The following MCTP2 variants were observed in gnomAD, a reference collection of about 807,000 sequenced individuals.
MCTP2 encodes multiple C2 and transmembrane domain containing 2, also known as multiple C2 and transmembrane domain-containing protein 2.
Under a neutral mutation model 111.6 loss-of-function variants are expected in MCTP2, and 132 were observed. That is an observed-to-expected ratio of 1.18 (90% CI 1.03 to 1.37). The LOEUF (loss-of-function observed/expected upper bound fraction) is 1.37. MCTP2 is among the 40% of genes most tolerant of loss of function. The probability of loss-of-function intolerance (pLI) is 0.00; values close to 1 mark genes in which losing one functional copy is unlikely to be tolerated. For synonymous variants in MCTP2, 395 were observed against 387.7 expected (o/e 1.02, Z -0.22); for missense variants, 1,183 against 1,067.9 (o/e 1.11, Z -1.50).
At chr15:94,425,096 A>G (rs1217064323) in intron 17 of MCTP2, among the ~76,000 whole-genome samples, 18 of 152,144 alleles carry the variant, frequency 1.2e-4, no homozygotes, top group Admixed American at 1.2e-3. Context: ...AAAGTCATAA[A>G]AATATTCTTT....
intron 9 of MCTP2, among the ~76,000 whole-genome samples, chr15:94,358,089 A>G (rs1663188877): frequency 6.6e-6 from 1 of 152,264 alleles, no homozygotes; most frequent in African/African-American, 2.4e-5. Context: ...GTAAGCTAGC[A>G]TTGAATGGAT....
At chr15:94,315,420 A>G (rs2076334886) in intron 3 of MCTP2, 109 bp from the exon 4 acceptor site, 12 of 681,990 alleles carry the variant, frequency 1.8e-5, no homozygotes, top group Middle Eastern at 3.5e-4. Flanking sequence ...ATGACAGTCG[A>G]TCATCATAGT....
At chr15:94,270,371 T>A (rs951035908) in intron 1 of MCTP2, among the ~76,000 whole-genome samples, 1 of 152,206 alleles carries the variant, frequency 6.6e-6, no homozygotes, top group Non-Finnish European at 1.5e-5. Flanking sequence ...TGATGATGTA[T>A]GTAAAGCAGT....
At chr15:94,354,337 C>G (rs1203665470) in intron 8 of MCTP2, among the ~76,000 whole-genome samples, 2 of 152,074 alleles carry the variant, frequency 1.3e-5, no homozygotes, top group Non-Finnish European at 2.9e-5. Context: ...ATTGTAATCC[C>G]CATAATCCCC....
rs73462089 is a variant in MCTP2, at chr15:94,315,490, C to T, written c.529-39C>T. On this transcript the variant is annotated intron_variant, in intron 3 of 22. Transcript: ENST00000357742. ...TTTCTGAAATTCTCTTGCTTGGGCC[C>T]AAGACATACTGTCTTAACTGCCTTC... The T allele has an allele frequency of 8.2e-3, 11,787 of 1,442,692 alleles. 760 individuals carry two copies. The African/African-American group carries it at 0.14, about 17-fold the overall frequency. The allele number at this position is 1,442,692 out of a possible 1,614,324, so 89.4% of individuals were successfully genotyped here.
intron 17 of MCTP2, among the ~76,000 whole-genome samples, chr15:94,408,945 T>C (rs1231535742): frequency 2.0e-5 from 3 of 152,226 alleles, no homozygotes; most frequent in Admixed American, 2.0e-4. Context: ...TTTTCTGAGC[T>C]TTCTGTTGGT....
rs191847019 is a variant in MCTP2, at chr15:94,304,244, C to G, written c.465+5514C>G. 7.0e-4 allele frequency among the ~76,000 whole-genome samples: 106 copies of G among 152,286 alleles called. 1 individual carries two copies. Among genetic ancestry groups the G allele is most frequent in the African/African-American group, 2.5e-3 (103 of 41,558 alleles). On this transcript the variant is annotated intron_variant, in intron 2 of 22. Coordinates refer to ENST00000357742, the MANE Select transcript of MCTP2 (RefSeq NM_001385001.1). ...ATCACTTGAGGTCAGAAGGTCAAGA[C>G]CAGCCTTGCCAACGTGGTAAAATCC...
chr15:94,382,321 T>C (rs563544629), intron 12 of MCTP2, among the ~76,000 whole-genome samples: 1 of 152,358 alleles, frequency 6.6e-6, no homozygotes, highest in Admixed American at 6.5e-5. Context: ...TGTTTGATAT[T>C]ATTTTAATAA....
At position 94,482,926 on chromosome 15, in the gene MCTP2, T is replaced by G. The variant is rs2074797427; in HGVS notation, c.*3892T>G. On this transcript the variant is annotated 3_prime_UTR_variant, in exon 23 of 23. Coordinates refer to ENST00000357742, the MANE Select transcript of MCTP2 (RefSeq NM_001385001.1). ...GTACAGAATCATGACCTTAATGGTT[T>G]GACAGTTTGGAAGCACCCTGGCAAC... The G allele has an allele frequency of 6.6e-6, 1 of 152,190 alleles. No homozygotes were observed. Among genetic ancestry groups the G allele is most frequent in the Non-Finnish European group, 1.5e-5 (1 of 68,030 alleles). 9.4% of individuals were successfully genotyped at this position (152,190 alleles called of 1,614,324 possible). A position where few individuals can be genotyped will look rare whatever the true frequency, so the allele number is the denominator to read the frequency against.
chr15:94,410,114 T>G (rs1336948031), intron 17 of MCTP2, among the ~76,000 whole-genome samples: 1 of 152,154 alleles, frequency 6.6e-6, no homozygotes, highest in African/African-American at 2.4e-5. Context: ...ATGGAATGGG[T>G]TACAAGTATG....
intron 19 of MCTP2, among the ~76,000 whole-genome samples, chr15:94,450,722 T>C (rs1332201047): frequency 6.6e-6 from 1 of 152,230 alleles, no homozygotes; most frequent in Non-Finnish European, 1.5e-5. Flanking sequence ...TTTGCATTAA[T>C]CTCTTCTGAG....
chr15:94,279,228 A>T (rs1481277785), intron 1 of MCTP2, among the ~76,000 whole-genome samples: 1 of 152,146 alleles, frequency 6.6e-6, no homozygotes, highest in Non-Finnish European at 1.5e-5. Context: ...TTTTAACAAT[A>T]GTGATTCCTC....
chr15:94,449,038 CAAAAT>C (rs2084287724), intron 19 of MCTP2, among the ~76,000 whole-genome samples: 1 of 152,012 alleles, frequency 6.6e-6, no homozygotes, highest in South Asian at 2.1e-4. Flanking sequence ...GACTCCATCT[CAAAAT>C]AAATAAATAA....
At chr15:94,383,022 G>C (rs559572580) in intron 12 of MCTP2, among the ~76,000 whole-genome samples, 2 of 152,212 alleles carry the variant, frequency 1.3e-5, no homozygotes, top group South Asian at 4.2e-4. Flanking sequence ...CGTAGAAAGA[G>C]GAGAGGTGAG....
intron 14 of MCTP2, among the ~76,000 whole-genome samples, chr15:94,397,071 T>C (rs1465144660): frequency 6.6e-6 from 1 of 152,230 alleles, no homozygotes. Context: ...TTGTGGAAGT[T>C]CAAAGGGACT....
At chr15:94,272,713 T>TC (rs961922290) in intron 1 of MCTP2, among the ~76,000 whole-genome samples, 14 of 135,068 alleles carry the variant, frequency 1.0e-4, no homozygotes, top group Non-Finnish European at 1.3e-4. Flanking sequence ...GTTCTATTTG[T>TC]CATAAGATAA....
intron 1 of MCTP2, among the ~76,000 whole-genome samples, chr15:94,297,450 C>T (rs2075325084): frequency 6.6e-6 from 1 of 152,094 alleles, no homozygotes; most frequent in Non-Finnish European, 1.5e-5. Flanking sequence ...TGAATAAGAA[C>T]AAAACTCACA....
chr15:94,333,419 T>A (rs189919279), intron 4 of MCTP2, among the ~76,000 whole-genome samples: 42 of 152,176 alleles, frequency 2.8e-4, no homozygotes, highest in South Asian at 8.3e-4. Context: ...AACTTTTTTT[T>A]AAAAACCATT....
At chr15:94,365,780 A>G (rs956693875) in intron 10 of MCTP2, among the ~76,000 whole-genome samples, 1 of 152,186 alleles carries the variant, frequency 6.6e-6, no homozygotes, top group African/African-American at 2.4e-5. Context: ...CACCATCCCA[A>G]AGGCAGATGT....
Sources: gnomAD v4.1 joint callset for allele counts (sites outside exome capture counted in the v4.1 genomes callset) on GRCh38, gnomAD v4.1.1 for gene constraint, MANE v1.5 for transcripts, NCBI Gene and HGNC (gene_info 2026-07-23, HGNC 2026-07-21) for gene names.